RAD51B: variants seen among roughly 807,000 people sequenced by gnomAD.
RAD51B encodes RAD51 paralog B, also known as DNA repair protein RAD51 homolog 2.
In RAD51B, 38 loss-of-function variants were observed where a neutral mutation model predicts 42.2. The observed-to-expected ratio is 0.90, with a 90% CI of 0.70 to 1.18. The LOEUF is 1.18. Ranked by LOEUF, RAD51B falls within the 50% of genes most tolerant of loss-of-function variation. The pLI is 0.00. For synonymous variants in RAD51B, 154 were observed against 145.2 expected (o/e 1.06, Z -0.43); for missense variants, 373 against 400.7 (o/e 0.93, Z 0.59).
intron 7 of RAD51B, among the ~76,000 whole-genome samples, chr14:67,978,480 A>G (rs2075034073): frequency 6.6e-6 from 1 of 152,154 alleles, no homozygotes; most frequent in Admixed American, 6.5e-5. Flanking sequence ...GCTTTGTTGC[A>G]TCTTTTAGTT....
chr14:68,254,528 G>A (rs1436600782), intron 7 of RAD51B, among the ~76,000 whole-genome samples: 1 of 152,144 alleles, frequency 6.6e-6, no homozygotes, highest in Non-Finnish European at 1.5e-5. Flanking sequence ...CATTTCAGTT[G>A]TTCCAGGTAC....
intron 5 of RAD51B, among the ~76,000 whole-genome samples, chr14:67,876,454 T>C (rs1042245206): frequency 3.3e-5 from 5 of 152,226 alleles, no homozygotes; most frequent in African/African-American, 1.2e-4. Context: ...TGCCTTTTGA[T>C]TCTGGAACTG....
At chr14:68,242,485 G>C (rs950075504) in intron 7 of RAD51B, among the ~76,000 whole-genome samples, 5 of 152,160 alleles carry the variant, frequency 3.3e-5, no homozygotes, top group African/African-American at 1.2e-4. Flanking sequence ...AAAAAATAAA[G>C]CTCCTTTTTT....
At chr14:68,233,556 G>A (rs1400696877) in intron 7 of RAD51B, among the ~76,000 whole-genome samples, 3 of 152,172 alleles carry the variant, frequency 2.0e-5, no homozygotes, top group African/African-American at 7.2e-5. Flanking sequence ...AGTCATTGGA[G>A]ATGCAGTTGT....
In RAD51B at chr14:68,349,129, A is replaced by AT. The variant is rs1041992199; in HGVS notation, c.853+57157dup. ...TTATATAATTTCTACATGTCACAAAATTTTTTTTGTCTTTTTTTCAGCTAT... is the reference window on the plus strand; with the variant it reads ...TTATATAATTTCTACATGTCACAAAATTTTTTTTTGTCTTTTTTTCAGCTAT... On this transcript the variant is annotated intron_variant, in intron 8 of 10. Transcript: ENST00000471583. 8.6e-5 allele frequency among the ~76,000 whole-genome samples: 13 copies of AT among 152,018 alleles called. No homozygotes were observed. In the East Asian group the frequency reaches 2.3e-3, roughly 27 times the overall value.
chr14:67,901,854 G>A (rs2043625088), intron 7 of RAD51B, among the ~76,000 whole-genome samples: 1 of 152,100 alleles, frequency 6.6e-6, no homozygotes, highest in South Asian at 2.1e-4. Flanking sequence ...GTGAAATAAT[G>A]TGTACCCATG....
At chr14:67,894,222 A>G (rs2043329852) in intron 7 of RAD51B, among the ~76,000 whole-genome samples, 1 of 152,166 alleles carries the variant, frequency 6.6e-6, no homozygotes, top group Non-Finnish European at 1.5e-5. Context: ...TTTACTAGTT[A>G]CCTCGTTCCA....
chr14:67,914,565 A>G (rs113426886), intron 7 of RAD51B, among the ~76,000 whole-genome samples: 88 of 152,300 alleles, frequency 5.8e-4, no homozygotes, highest in African/African-American at 2.1e-3. Context: ...TTTATGTAGT[A>G]AAATATATTT....
intron 7 of RAD51B, among the ~76,000 whole-genome samples, chr14:68,081,809 G>A (rs1456770892): frequency 6.6e-6 from 1 of 152,164 alleles, no homozygotes; most frequent in Non-Finnish European, 1.5e-5. Context: ...GTGTCTAGGG[G>A]TAAATGTTTA....
At chr14:68,457,417 G>A (rs1014845296) in intron 9 of RAD51B, among the ~76,000 whole-genome samples, 5 of 152,050 alleles carry the variant, frequency 3.3e-5, no homozygotes, top group African/African-American at 1.2e-4. Flanking sequence ...TAGTTATAGG[G>A]AAATATACAG....
At chr14:68,394,409 G>A (rs1267095505) in intron 8 of RAD51B, among the ~76,000 whole-genome samples, 3 of 152,200 alleles carry the variant, frequency 2.0e-5, no homozygotes, top group Non-Finnish European at 2.9e-5. Flanking sequence ...AATGACCAGG[G>A]AGGCCCACCT....
At chr14:68,295,726 G>A (rs984803591) in intron 8 of RAD51B, among the ~76,000 whole-genome samples, 2 of 152,164 alleles carry the variant, frequency 1.3e-5, no homozygotes, top group African/African-American at 4.8e-5. Flanking sequence ...CCCCTGCTGC[G>A]TACTACTCCT....
At position 68,411,527 on chromosome 14, in the gene RAD51B, G is replaced by GGT; in HGVS notation, c.957+2_957+3dup. On this transcript the variant is annotated frameshift_variant and splice_region_variant. Coordinates refer to ENST00000471583, the MANE Select transcript of RAD51B (RefSeq NM_133510.4). LOFTEE classifies it high-confidence loss of function. ...AGTACCTTGATTCAGAGAGAAGACA[G>GGT]GTGGGTGCTTTGACAGTATTCTCTG... The GGT allele has an allele frequency of 6.2e-7, 1 of 1,613,308 alleles. No individual in the cohort carries two copies. The highest frequency in any genetic ancestry group is 8.5e-7 in the Non-Finnish European group (1 of 1,179,320).
chr14:68,636,378 T>G (rs61987104), intron 10 of RAD51B, among the ~76,000 whole-genome samples: 10,952 of 151,706 alleles, frequency 0.072, 520 homozygotes, highest in South Asian at 0.14. Context: ...AGGTCAGGAG[T>G]TCGAGACCAG....
intron 5 of RAD51B, among the ~76,000 whole-genome samples, chr14:67,875,074 G>A (rs1272028177): frequency 1.3e-5 from 2 of 152,140 alleles, no homozygotes; most frequent in Non-Finnish European, 2.9e-5. Flanking sequence ...AGAGATGAGA[G>A]CCAGGACTCT....
chr14:68,425,975 TCTTCCTTCCTTC>T (rs1298543738), intron 9 of RAD51B, among the ~76,000 whole-genome samples: 2 of 86,026 alleles, frequency 2.3e-5, no homozygotes, highest in African/African-American at 8.6e-5. Flanking sequence ...TTTCTTTCTT[TCTTCCTTCCTTC>T]CTTCCTTCCT....
intron 7 of RAD51B, among the ~76,000 whole-genome samples, chr14:68,127,228 T>C (rs918245972): frequency 2.6e-5 from 4 of 152,264 alleles, no homozygotes; most frequent in South Asian, 2.1e-4. Context: ...ACCCAGACCA[T>C]TGAATGTAGC....
At chr14:67,996,297 G>A (rs2075382033) in intron 7 of RAD51B, among the ~76,000 whole-genome samples, 2 of 151,830 alleles carry the variant, frequency 1.3e-5, no homozygotes, top group South Asian at 2.1e-4. Flanking sequence ...GTGGGAGCCC[G>A]AGGCAGGAAG....
chr14:68,144,325 C>T (rs768912969), intron 7 of RAD51B, among the ~76,000 whole-genome samples: 12 of 152,250 alleles, frequency 7.9e-5, no homozygotes, highest in African/African-American at 2.6e-4. Flanking sequence ...TTAGTGAGGG[C>T]GGCTGAGCAA....
Sources: allele counts gnomAD v4.1 joint callset (sites outside exome capture counted in the v4.1 genomes callset), GRCh38; gene constraint gnomAD v4.1.1; transcripts MANE v1.5; gene names NCBI Gene and HGNC (gene_info 2026-07-23, HGNC 2026-07-21).